Variants in MAPK10 observed in about 807,000 individuals in gnomAD.
The protein encoded by MAPK10 is mitogen-activated protein kinase 10.
A neutral mutation model predicts 59.3 loss-of-function variants in MAPK10; 25 were observed. The ratio of observed to expected loss-of-function variants is 0.42; its 90% CI spans 0.31 to 0.59. The LOEUF (loss-of-function observed/expected upper bound fraction) is 0.59. Ranked by LOEUF, MAPK10 falls within the 20% of genes least tolerant of loss-of-function variation. The pLI, the probability that MAPK10 is intolerant of heterozygous loss-of-function variation, is 0.15. For synonymous variants in MAPK10, 190 were observed against 200.5 expected (o/e 0.95, Z 0.44); for missense variants, 351 against 568.9 (o/e 0.62, Z 3.90).
intron 1 of MAPK10, among the ~76,000 whole-genome samples, chr4:86,549,788 T>C (rs983958535): frequency 3.9e-5 from 6 of 152,128 alleles, no homozygotes; most frequent in Non-Finnish European, 7.3e-5. Flanking sequence ...GAGGTTATAG[T>C]GAGCTATGAT....
chr4:86,173,740 G>T (rs1180303397), intron 3 of MAPK10, among the ~76,000 whole-genome samples: 1 of 152,004 alleles, frequency 6.6e-6, no homozygotes, highest in Non-Finnish European at 1.5e-5. Flanking sequence ...ATCTGACAAA[G>T]GTCTAATATC....
At chr4:86,368,535 A>G (rs1327576584) in intron 1 of MAPK10, among the ~76,000 whole-genome samples, 1 of 152,216 alleles carries the variant, frequency 6.6e-6, no homozygotes, top group African/African-American at 2.4e-5. Flanking sequence ...AAAAGTAGAT[A>G]AATTGGTCTC....
intron 2 of MAPK10, among the ~76,000 whole-genome samples, chr4:86,242,535 C>T (rs1026320010): frequency 2.6e-5 from 4 of 152,200 alleles, no homozygotes; most frequent in Admixed American, 6.5e-5. Flanking sequence ...TGTCCCTGAG[C>T]CTCTGGCTGG....
chr4:86,230,291 T>C (rs1279421804), intron 2 of MAPK10, among the ~76,000 whole-genome samples: 3 of 152,214 alleles, frequency 2.0e-5, no homozygotes, highest in Non-Finnish European at 4.4e-5. Flanking sequence ...ATGAAGCACA[T>C]GAACTGTCAG....
chr4:86,133,159 C>G (rs2061318220), intron 4 of MAPK10, among the ~76,000 whole-genome samples: 1 of 152,118 alleles, frequency 6.6e-6, no homozygotes, highest in South Asian at 2.1e-4. Context: ...TATGTTTAAA[C>G]TGATCATAGT....
intron 2 of MAPK10, 86 bp downstream of exon 2, chr4:86,354,444 C>A (rs1008477309): frequency 4.0e-6 from 2 of 503,116 alleles, no homozygotes; most frequent in African/African-American, 2.0e-5. Flanking sequence ...TCTCCAGCTC[C>A]ATGTACAAAA....
chr4:86,371,099 G>A lies in MAPK10; in HGVS notation c.-121-16455C>T, dbSNP rs1294715445. Among the ~76,000 whole-genome samples the A allele has an allele frequency of 4.6e-5, 7 of 152,102 alleles. No individual in the cohort carries two copies. The South Asian group carries it at 1.5e-3, about 32-fold the overall frequency. On this transcript the variant is annotated intron_variant, in intron 1 of 13. Transcript: ENST00000361569. ...TTTACATTGCAAATTAAAACATAAG[G>A]CAATGAGAATAGGATTCACTGCTAA... is the stretch of plus-strand genomic sequence containing the variant.
chr4:86,410,676 T>G (rs1432875914), intron 1 of MAPK10, among the ~76,000 whole-genome samples: 7 of 152,204 alleles, frequency 4.6e-5, no homozygotes, highest in African/African-American at 1.4e-4. Context: ...CTAGATTTTC[T>G]AGTTTATTTG....
intron 1 of MAPK10, among the ~76,000 whole-genome samples, chr4:86,355,732 A>G (rs1734109450): frequency 6.6e-6 from 1 of 152,182 alleles, no homozygotes; most frequent in Non-Finnish European, 1.5e-5. Flanking sequence ...AATACAGGTA[A>G]TAGAAGAATA....
At chr4:86,263,013 C>T (rs6844363) in intron 2 of MAPK10, among the ~76,000 whole-genome samples, 15,643 of 152,150 alleles carry the variant, frequency 0.1, 833 homozygotes, top group Middle Eastern at 0.13. Flanking sequence ...TTTACTCCTC[C>T]AGCTCCCTAC....
intron 2 of MAPK10, among the ~76,000 whole-genome samples, chr4:86,317,184 G>C (rs958561264): frequency 6.6e-6 from 1 of 152,058 alleles, no homozygotes. Context: ...TTTGTCACTT[G>C]TTCTCTGGGG....
intron 1 of MAPK10, among the ~76,000 whole-genome samples, chr4:86,379,610 C>A (rs1740379930): frequency 6.6e-6 from 1 of 152,208 alleles, no homozygotes; most frequent in Non-Finnish European, 1.5e-5. Context: ...AAACCACAAA[C>A]AATAGAATGA....
At chr4:86,105,556 A>G (rs1328778990) in intron 5 of MAPK10, among the ~76,000 whole-genome samples, 1 of 152,148 alleles carries the variant, frequency 6.6e-6, no homozygotes, top group Non-Finnish European at 1.5e-5. Flanking sequence ...ATATAAATAC[A>G]TGTATGGAAA....
intron 4 of MAPK10, among the ~76,000 whole-genome samples, chr4:86,142,983 T>C (rs1188371650): frequency 6.6e-6 from 1 of 152,246 alleles, no homozygotes; most frequent in African/African-American, 2.4e-5. Flanking sequence ...CATGCTGCTA[T>C]GAGGAAATAC....
intron 11 of MAPK10, among the ~76,000 whole-genome samples, chr4:86,060,136 T>C (rs1404311290): frequency 1.3e-5 from 2 of 152,214 alleles, no homozygotes; most frequent in Non-Finnish European, 2.9e-5. Context: ...TAGGGGATGG[T>C]TCTAATCTCA....
At position 86,561,679 on chromosome 4, in the gene MAPK10, C is replaced by T. The variant is rs533715249; in HGVS notation, c.-263+32231G>A. ...TAGTCTAATTGTTAAGACTTAATTA[C>T]TTAAAAGCAGACAATATGAAAGTAG... On this transcript the variant is annotated intron_variant, in intron 1 of 4. Transcript: ENST00000502302. Among the ~76,000 whole-genome samples the T allele has an allele frequency of 4.2e-4, 64 of 152,214 alleles. 1 individual carries two copies. In the Middle Eastern group the frequency reaches 0.01, roughly 24 times the overall value.
rs774192821 is a variant in MAPK10, at chr4:86,067,836, T to G, written c.922A>C (p.Thr308Pro). Residue 308 changes from threonine to proline, a missense_variant, in exon 10 of 14, where the codon ACC becomes CCC. Coordinates refer to ENST00000641462, the MANE Select transcript of MAPK10 (RefSeq NM_138982.4). ...GAATCTGGGAAGAGTTTGGGGAAGG[T>G]GAGTCCCGCATACTTGGGCCGATTC... Reference protein sequence around the residue: ...VENRPKYAGLTFPKLFPDSLF... With the variant: ...VENRPKYAGLPFPKLFPDSLF... 6.2e-7 allele frequency: 1 copy of G among 1,614,040 alleles called. No individual in the cohort carries two copies. The highest frequency in any genetic ancestry group is 1.6e-4 in the Middle Eastern group (1 of 6,062).
At chr4:86,486,413 A>T (rs1754001138) in intron 1 of MAPK10, among the ~76,000 whole-genome samples, 1 of 152,240 alleles carries the variant, frequency 6.6e-6, no homozygotes, top group African/African-American at 2.4e-5. Flanking sequence ...TTTTGATCAC[A>T]TGATTTTGAC....
intron 1 of MAPK10, among the ~76,000 whole-genome samples, chr4:86,493,505 TTG>T (rs1234603686): frequency 1.3e-5 from 2 of 152,212 alleles, no homozygotes; most frequent in Non-Finnish European, 2.9e-5. Context: ...TGTCTTTACT[TTG>T]TCCTGGATTC....
Sources: gnomAD v4.1 joint callset for allele counts (sites outside exome capture counted in the v4.1 genomes callset) on GRCh38, gnomAD v4.1.1 for gene constraint, MANE v1.5 for transcripts, NCBI Gene and HGNC (gene_info 2026-07-23, HGNC 2026-07-21) for gene names.